The following FBN2 variants were observed in gnomAD, a reference collection of about 807,000 sequenced individuals.
The protein encoded by FBN2 is fibrillin-2.
FBN2 carries 105 observed loss-of-function variants against 355.6 expected under a neutral mutation model. The ratio of observed to expected loss-of-function variants is 0.30; its 90% CI spans 0.25 to 0.35. FBN2 has a LOEUF of 0.35. FBN2 is among the 10% of genes least tolerant of loss of function. FBN2 has a pLI of 1.00. For synonymous variants in FBN2, 1,350 were observed against 1,301.2 expected, an observed-to-expected ratio of 1.04 and a Z score of -0.81; for missense variants, 3,280 against 3,758.7, an observed-to-expected ratio of 0.87 and a Z score of 3.33.
chr5:128,318,355 T>C, intron 35 of FBN2, 84 bp from the exon 36 acceptor site: 5 of 1,419,336 alleles, frequency 3.5e-6, no homozygotes, highest in Non-Finnish European at 5.0e-6. Context: ...GGTGGAATTT[T>C]TGCAAGTGAG....
At chr5:128,335,610 G>C (rs1750814695) in intron 28 of FBN2, 33 bp from the exon 29 acceptor site, 1 of 1,613,518 alleles carries the variant, frequency 6.2e-7, no homozygotes, top group Non-Finnish European at 8.5e-7. Context: ...ACATTGTCAG[G>C]TCTGCTTCCT....
chr5:128,508,445 CCA>C (rs1454682783), intron 5 of FBN2, among the ~76,000 whole-genome samples: 5 of 151,928 alleles, frequency 3.3e-5, no homozygotes, highest in Non-Finnish European at 7.4e-5. Flanking sequence ...AAGGTTTACA[CCA>C]CACATCTTTA....
At chr5:128,461,397 T>C (rs970788915) in intron 6 of FBN2, among the ~76,000 whole-genome samples, 18 of 152,204 alleles carry the variant, frequency 1.2e-4, no homozygotes, top group Non-Finnish European at 2.2e-4. Context: ...TTTTACACTG[T>C]TGGTGGAAAT....
At chr5:128,334,546 C>CA (rs1482787598) in intron 31 of FBN2, among the ~76,000 whole-genome samples, 173 bp downstream of exon 31, 1 of 152,164 alleles carries the variant, frequency 6.6e-6, no homozygotes, top group African/African-American at 2.4e-5. Flanking sequence ...CGTGCTACCA[C>CA]AGAGACCAGC....
intron 3 of FBN2, among the ~76,000 whole-genome samples, chr5:128,529,047 G>C (rs898984859): frequency 6.6e-6 from 1 of 152,238 alleles, no homozygotes. Flanking sequence ...GAGGAACTGT[G>C]TGGTTCAAGT....
chr5:128,430,792 C>T (rs772995250), intron 7 of FBN2, among the ~76,000 whole-genome samples: 8 of 151,156 alleles, frequency 5.3e-5, no homozygotes, highest in Non-Finnish European at 8.8e-5. Flanking sequence ...TGCAGTGAGC[C>T]GAGATCACAC....
intron 5 of FBN2, among the ~76,000 whole-genome samples, chr5:128,481,364 T>C (rs889343636): frequency 1.3e-5 from 2 of 152,222 alleles, no homozygotes; most frequent in African/African-American, 2.4e-5. Flanking sequence ...TCAGCCGTGA[T>C]ATTATCTGTT....
At position 128,537,433 on chromosome 5, in the gene FBN2, C is replaced by G; in HGVS notation, c.171G>C (p.Gly57=). Residue 57 remains glycine, a synonymous_variant, in exon 1 of 65, where the codon GGG becomes GGC. Transcript: ENST00000262464. ...VRSATAGSEG[G]FLAPEYREEG... ...CCTCGCGATACTCGGGCGCTAGAAA[C>G]CCGCCTTCAGAGCCTGCTGTAGCGG... 20 of 1,609,322 alleles carry G rather than the reference C, an allele frequency of 1.2e-5. No individual in the cohort carries two copies. The highest frequency in any genetic ancestry group is 1.7e-5 in the Non-Finnish European group (20 of 1,179,028).
chr5:128,411,991 G>A (rs1456182709), intron 7 of FBN2, among the ~76,000 whole-genome samples: 2 of 152,196 alleles, frequency 1.3e-5, no homozygotes, highest in Non-Finnish European at 1.5e-5. Flanking sequence ...AAACAAGTGT[G>A]CCTAAAGGTG....
chr5:128,306,357 C>G (rs764284539), intron 42 of FBN2, among the ~76,000 whole-genome samples: 2 of 152,022 alleles, frequency 1.3e-5, no homozygotes, highest in South Asian at 4.2e-4. Flanking sequence ...TGGTGGCTCA[C>G]GCCTGTAATC....
chr5:128,299,488 G>C (rs574842407), intron 48 of FBN2, among the ~76,000 whole-genome samples: 2 of 150,054 alleles, frequency 1.3e-5, no homozygotes, highest in Non-Finnish European at 3.0e-5. Flanking sequence ...CATGGGCATA[G>C]GACCCTCCGA....
chr5:128,272,487 A>ATAT (rs1561741150), intron 61 of FBN2, among the ~76,000 whole-genome samples: 9 of 85,618 alleles, frequency 1.1e-4, no homozygotes, highest in African/African-American at 2.0e-4. Flanking sequence ...TATATATATA[A>ATAT]AATATATTTG....
At chr5:128,487,077 A>T (rs975698013) in intron 5 of FBN2, among the ~76,000 whole-genome samples, 5 of 152,140 alleles carry the variant, frequency 3.3e-5, no homozygotes, top group African/African-American at 4.8e-5. Flanking sequence ...CCCCTTTAAA[A>T]TTAGGTATGG....
chr5:128,496,140 T>C (rs956596114), intron 5 of FBN2, among the ~76,000 whole-genome samples: 1 of 152,090 alleles, frequency 6.6e-6, no homozygotes, highest in African/African-American at 2.4e-5. Context: ...TTCACAAACT[T>C]TTCCAAAATA....
At chr5:128,310,398 ATATATTTTTTTTTTT>A (rs1216884325) in intron 39 of FBN2, among the ~76,000 whole-genome samples, 8 of 11,214 alleles carry the variant, frequency 7.1e-4, no homozygotes, top group African/African-American at 1.9e-3. Flanking sequence ...ATATATATAT[ATATATTTTTTTTTTT>A]TTTTTTTTAT....
intron 36 of FBN2, among the ~76,000 whole-genome samples, chr5:128,315,817 T>C (rs948207890): frequency 1.3e-5 from 2 of 152,224 alleles, no homozygotes; most frequent in Admixed American, 1.3e-4. Flanking sequence ...ACTAAGTGGA[T>C]GAGAATACTG....
At chr5:128,479,962 CTCTCTCTCTCTCTCTATATATA>C (rs1755115552) in intron 5 of FBN2, among the ~76,000 whole-genome samples, 5 of 37,540 alleles carry the variant, frequency 1.3e-4, no homozygotes, top group Non-Finnish European at 2.6e-4. Context: ...CTCTCTCTCT[CTCTCTCTCTCTCTCTATATATA>C]TATATATATA....
intron 5 of FBN2, among the ~76,000 whole-genome samples, chr5:128,475,197 A>T (rs567941193): frequency 6.6e-6 from 1 of 152,150 alleles, no homozygotes; most frequent in East Asian, 1.9e-4. Context: ...GTCTCATCTC[A>T]ACAGAAGGGT....
At chr5:128,328,244 C>T in intron 34 of FBN2, 1 of 299,920 alleles carries the variant, frequency 3.3e-6, no homozygotes, top group Non-Finnish European at 6.3e-6. Flanking sequence ...TTGCTGAATC[C>T]CTGAAGAGGA....
Sources: gnomAD v4.1 joint callset for allele counts (sites outside exome capture counted in the v4.1 genomes callset) on GRCh38, gnomAD v4.1.1 for gene constraint, MANE v1.5 for transcripts, NCBI Gene and HGNC (gene_info 2026-07-23, HGNC 2026-07-21) for gene names.